The following MAP3K7CL variants were observed in gnomAD, a reference collection of about 807,000 sequenced individuals.
MAP3K7CL encodes the protein MAP3K7 C-terminal-like protein.
MAP3K7CL carries 16 observed loss-of-function variants against 18.6 expected under a neutral mutation model. That is an observed-to-expected ratio of 0.86 (90% CI 0.58 to 1.31). The LOEUF (loss-of-function observed/expected upper bound fraction) is 1.31. MAP3K7CL is among the 50% of genes most tolerant of loss of function. The pLI is 0.00. For synonymous variants in MAP3K7CL, 65 were observed against 66.8 expected (o/e 0.97, Z 0.13); for missense variants, 163 against 174.4 (o/e 0.93, Z 0.37).
intron 4 of MAP3K7CL, among the ~76,000 whole-genome samples, chr21:29,164,155 CTTATAT>C (rs1291779305): frequency 2.6e-5 from 4 of 151,154 alleles, no homozygotes; most frequent in Admixed American, 6.6e-5. Context: ...ATGGTAATAT[CTTATAT>C]TTATAAATAC....
intron 4 of MAP3K7CL, among the ~76,000 whole-genome samples, chr21:29,173,790 C>T (rs530186804): frequency 8.5e-5 from 13 of 152,296 alleles, no homozygotes; most frequent in African/African-American, 3.1e-4. Context: ...CAGCCTCAAC[C>T]TCCCACGCTC....
At chr21:29,135,733 G>A (rs539695677) in intron 2 of MAP3K7CL, among the ~76,000 whole-genome samples, 1 of 152,286 alleles carries the variant, frequency 6.6e-6, no homozygotes, top group East Asian at 1.9e-4. Flanking sequence ...GTTTGTTCCA[G>A]TGTCTTTCTC....
intron 2 of MAP3K7CL, among the ~76,000 whole-genome samples, chr21:29,147,875 T>G (rs955140169): frequency 6.6e-6 from 1 of 151,748 alleles, no homozygotes; most frequent in Non-Finnish European, 1.5e-5. Context: ...TGTATCTCTA[T>G]TATATGTATG....
chr21:29,118,018 G>A (rs1340351963), intron 4 of MAP3K7CL, among the ~76,000 whole-genome samples: 2 of 150,960 alleles, frequency 1.3e-5, no homozygotes, highest in African/African-American at 4.9e-5. Context: ...TTTATTCAGG[G>A]ACTGGCTCCA....
chr21:29,134,050 G>A (rs550587548), intron 2 of MAP3K7CL, among the ~76,000 whole-genome samples: 13 of 152,216 alleles, frequency 8.5e-5, no homozygotes, highest in Admixed American at 7.2e-4. Context: ...GGGAGGTCAC[G>A]GTGCTGAGGA....
At chr21:29,127,923 A>G (rs993741776), upstream of MAP3K7CL, 2 of 152,340 alleles carry the variant, frequency 1.3e-5, no homozygotes, top group Admixed American at 6.5e-5. Context: ...CTATCTCTGT[A>G]TGGTTCTTTG....
chr21:29,163,778 C>T (rs1432208777), intron 4 of MAP3K7CL, among the ~76,000 whole-genome samples: 1 of 151,112 alleles, frequency 6.6e-6, no homozygotes, highest in African/African-American at 2.4e-5. Context: ...TCACTGCAGC[C>T]TCAACCCCCT....
intron 4 of MAP3K7CL, among the ~76,000 whole-genome samples, chr21:29,094,720 G>A (rs951259684): frequency 5.9e-5 from 9 of 152,124 alleles, no homozygotes; most frequent in Admixed American, 5.2e-4. Context: ...TACCAGACTC[G>A]GTGCACAGCC....
At position 29,092,166 on chromosome 21, in the gene MAP3K7CL, C is replaced by G. The variant is rs1601133718; in HGVS notation, c.228-273C>G. 1.2e-5 allele frequency: 5 copies of G among 426,582 alleles called. No homozygotes were observed. The East Asian group carries it at 1.9e-4, about 16-fold the overall frequency. 26.4% of individuals were successfully genotyped at this position (426,582 alleles called of 1,614,324 possible). On this transcript the variant is annotated intron_variant, in intron 3 of 6. Transcript: ENST00000286791. ...AATCCTAGAGTTCTTATAATCAGCT[C>G]TCTTTGTTTTTATAAGAAAAATCTG...
upstream of MAP3K7CL, among the ~76,000 whole-genome samples, chr21:29,128,597 C>T (rs189263534): frequency 8.1e-4 from 124 of 152,282 alleles, 1 homozygote; most frequent in South Asian, 6.4e-3. Context: ...CCACCGCGCC[C>T]GGCCAATTAA....
chr21:29,128,881 CATAAA>C (rs148101362), upstream of MAP3K7CL, among the ~76,000 whole-genome samples: 3,446 of 152,082 alleles, frequency 0.023, 125 homozygotes, highest in African/African-American at 0.078. Context: ...TTATTATAAC[CATAAA>C]ATAATATTAA....
chr21:29,138,344 C>T (rs1237508140), intron 2 of MAP3K7CL, among the ~76,000 whole-genome samples: 2 of 152,000 alleles, frequency 1.3e-5, no homozygotes, highest in Non-Finnish European at 2.9e-5. Flanking sequence ...TTCAAAGAGT[C>T]GAAACTTCCT....
At position 29,109,211 on chromosome 21, in the gene MAP3K7CL, T is replaced by C. The variant is rs189074410; in HGVS notation, c.370+16630T>C. On this transcript the variant is annotated intron_variant, in intron 4 of 6. Transcript: ENST00000286791. ...ATGGACATAGGGAAGGGTGGGTAAG[T>C]ATTAAGTGCTATGAGCTCCGAGGAA... The C allele has an allele frequency of 2.5e-5, 38 of 1,535,366 alleles. No homozygotes were observed. The East Asian group carries it at 8.1e-4, about 33-fold the overall frequency.
At chr21:29,170,465 C>T (rs556724562) in intron 4 of MAP3K7CL, among the ~76,000 whole-genome samples, 1 of 151,924 alleles carries the variant, frequency 6.6e-6, no homozygotes, top group South Asian at 2.1e-4. Flanking sequence ...GATATGGAGC[C>T]AGGGAAATAG....
intron 4 of MAP3K7CL, among the ~76,000 whole-genome samples, chr21:29,100,657 G>A (rs1428816777): frequency 6.6e-6 from 1 of 150,840 alleles, no homozygotes; most frequent in Admixed American, 6.6e-5. Context: ...TATCTATTAC[G>A]GTGTTACAGA....
chr21:29,109,371 A>G lies in MAP3K7CL; in HGVS notation c.370+16790A>G, dbSNP rs1601169188. On this transcript the variant is annotated intron_variant, in intron 4 of 6. Coordinates refer to the MAP3K7CL transcript ENST00000286791. The stretch of plus-strand genomic sequence containing the variant: ...TCATTAGTAATAGAAAGATAGATCA[A>G]CTCCTTGAAATCAGAGAGAGCTTTA... 3.7e-6 allele frequency: 5 copies of G among 1,349,748 alleles called. No individual in the cohort carries two copies. The East Asian group carries it at 1.4e-4, about 37-fold the overall frequency. The allele number at this position is 1,349,748 out of a possible 1,614,324, so 83.6% of individuals were successfully genotyped here.
At chr21:29,116,188 A>G (rs181966559) in intron 4 of MAP3K7CL, among the ~76,000 whole-genome samples, 2 of 152,358 alleles carry the variant, frequency 1.3e-5, no homozygotes, top group Admixed American at 1.3e-4. Flanking sequence ...GTGCTATAGC[A>G]GGCTACAATA....
chr21:29,149,375 C>A, intron 3 of MAP3K7CL, 125 bp downstream of exon 3: 1 of 800,134 alleles, frequency 1.2e-6, no homozygotes, highest in Non-Finnish European at 2.1e-6. Flanking sequence ...TTGAAGTCAT[C>A]AAGGATTACA....
At chr21:29,165,931 C>T (rs2146748782) in intron 4 of MAP3K7CL, among the ~76,000 whole-genome samples, 1 of 152,310 alleles carries the variant, frequency 6.6e-6, no homozygotes, top group African/African-American at 2.4e-5. Context: ...TGTTTTCATA[C>T]ATGGACACAT....
Sources: gnomAD v4.1 joint callset for allele counts (sites outside exome capture counted in the v4.1 genomes callset) on GRCh38, gnomAD v4.1.1 for gene constraint, MANE v1.5 for transcripts, NCBI Gene and HGNC (gene_info 2026-07-23, HGNC 2026-07-21) for gene names.